The following WWOX variants were observed in gnomAD, a reference collection of about 807,000 sequenced individuals.
The protein encoded by WWOX is WW domain-containing oxidoreductase.
In WWOX, 69 loss-of-function variants were observed where a neutral mutation model predicts 46.2. That is an observed-to-expected ratio of 1.49 (90% confidence interval 1.23 to 1.82). WWOX has a LOEUF of 1.82. Among genes scored for constraint, WWOX ranks in the 40% most tolerant of loss-of-function variants. The pLI, the probability that WWOX is intolerant of heterozygous loss-of-function variation, is 0.00. For missense variants in WWOX, 919 were observed against 542.6 expected, an observed-to-expected ratio of 1.69 and a Z score of -6.89; for synonymous variants, 359 against 202.6, an observed-to-expected ratio of 1.77 and a Z score of -6.56.
chr16:78,982,232 C>T (rs1446524590), intron 8 of WWOX, among the ~76,000 whole-genome samples: 17 of 152,214 alleles, frequency 1.1e-4, no homozygotes, highest in Non-Finnish European at 1.5e-5. Context: ...AATTTGCATT[C>T]CTTCCAACTG....
At chr16:78,331,295 G>C (rs1372114034) in intron 5 of WWOX, among the ~76,000 whole-genome samples, 1 of 152,296 alleles carries the variant, frequency 6.6e-6, no homozygotes, top group Admixed American at 6.5e-5. Context: ...TTTTCAAAAT[G>C]ATAGTTAAGG....
intron 8 of WWOX, among the ~76,000 whole-genome samples, chr16:78,452,858 G>T (rs958844221): frequency 7.6e-6 from 1 of 131,930 alleles, no homozygotes; most frequent in African/African-American, 3.4e-5. Flanking sequence ...TTGTTTTCCA[G>T]TGAGCTATTT....
At chr16:79,155,395 T>G (rs1372131915) in intron 8 of WWOX, among the ~76,000 whole-genome samples, 3 of 150,112 alleles carry the variant, frequency 2.0e-5, no homozygotes, top group Non-Finnish European at 4.5e-5. Context: ...ACAAAAAAGG[T>G]GGGGGGGTGG....
At chr16:78,293,298 G>A (rs1567481951) in intron 5 of WWOX, among the ~76,000 whole-genome samples, 2 of 152,132 alleles carry the variant, frequency 1.3e-5, no homozygotes, top group African/African-American at 4.8e-5. Flanking sequence ...GGAGCTGGAT[G>A]GTGCTTAATA....
intron 8 of WWOX, among the ~76,000 whole-genome samples, chr16:78,741,619 C>A (rs144466021): frequency 0.011 from 1,724 of 152,132 alleles, 107 homozygotes; most frequent in Admixed American, 0.1. Context: ...CTTTGGGAGG[C>A]TGAGGTGGGT....
chr16:78,706,321 T>A (rs1438604458), intron 8 of WWOX, among the ~76,000 whole-genome samples: 1 of 152,102 alleles, frequency 6.6e-6, no homozygotes, highest in African/African-American at 2.4e-5. Flanking sequence ...CTTATTTCTT[T>A]CCAGAGCCAG....
At chr16:78,420,744 A>G (rs926963753) in intron 6 of WWOX, among the ~76,000 whole-genome samples, 1 of 151,832 alleles carries the variant, frequency 6.6e-6, no homozygotes, top group Non-Finnish European at 1.5e-5. Flanking sequence ...ACAGCTGTAC[A>G]GTATACATAG....
intron 5 of WWOX, among the ~76,000 whole-genome samples, chr16:78,182,067 G>T (rs768095785): frequency 6.6e-6 from 1 of 152,178 alleles, no homozygotes; most frequent in African/African-American, 2.4e-5. Flanking sequence ...CCTAAGCAAC[G>T]CATCTGGAAT....
chr16:79,089,333 CTTTTT>C (rs11309218), intron 8 of WWOX, among the ~76,000 whole-genome samples: 1 of 132,544 alleles, frequency 7.5e-6, no homozygotes. Context: ...AGGTGGGGAC[CTTTTT>C]TTTTTTTTTT....
chr16:79,106,091 A>C (rs1402235551), intron 8 of WWOX: 1 of 152,208 alleles, frequency 6.6e-6, no homozygotes, highest in South Asian at 2.1e-4. Flanking sequence ...CAGCAGCATC[A>C]GAATCACCTG....
At chr16:78,951,937 T>G (rs1374591133) in intron 8 of WWOX, among the ~76,000 whole-genome samples, 2 of 152,166 alleles carry the variant, frequency 1.3e-5, no homozygotes, top group Non-Finnish European at 2.9e-5. Flanking sequence ...TCCATAATAT[T>G]TTTAAACTGT....
rs142593540 is a variant in WWOX, at chr16:78,215,288, G to C, written c.516+50999G>C. On this transcript the variant is annotated intron_variant, in intron 5 of 8. Transcript: ENST00000566780. Reference sequence around the variant, plus strand: ...TCATGATGATTGGTATGGTTTGGCTGTGTCCCCACCCAAATCTCATTTTGA... The same window carrying C: ...TCATGATGATTGGTATGGTTTGGCTCTGTCCCCACCCAAATCTCATTTTGA... 4.5e-3 allele frequency among the ~76,000 whole-genome samples: 690 copies of C among 152,254 alleles called. 4 individuals are homozygous for C. Among genetic ancestry groups the C allele is most frequent in the African/African-American group, 0.016 (661 of 41,542 alleles).
rs150730492 is a variant in WWOX at position 79,100,510 on chromosome 16, C to T, written c.1057-111098C>T. On this transcript the variant is annotated intron_variant, in intron 8 of 8. Transcript: ENST00000566780. ...GTTGGCTTTGACCAATGAAGTAGAA[C>T]AAGACCTCTGAATACCCCGTTAGTT... 8.9e-4 allele frequency among the ~76,000 whole-genome samples: 136 copies of T among 152,194 alleles called. 3 individuals are homozygous for T. The highest frequency in any genetic ancestry group is 3.4e-3 in the Middle Eastern group (1 of 294).
intron 8 of WWOX, among the ~76,000 whole-genome samples, chr16:78,605,734 A>T (rs2045740893): frequency 6.6e-6 from 1 of 152,196 alleles, no homozygotes; most frequent in African/African-American, 2.4e-5. Flanking sequence ...GAAAATAGCC[A>T]GTTATCTTTG....
chr16:78,657,371 C>CA (rs1372294368), intron 8 of WWOX, among the ~76,000 whole-genome samples: 1 of 152,136 alleles, frequency 6.6e-6, no homozygotes, highest in Admixed American at 6.5e-5. Flanking sequence ...AGTTCTCCCC[C>CA]ATCCTGTAAA....
chr16:78,958,248 A>G (rs549236751), intron 8 of WWOX, among the ~76,000 whole-genome samples: 2 of 152,318 alleles, frequency 1.3e-5, no homozygotes, highest in South Asian at 2.1e-4. Flanking sequence ...TTCTTTATTG[A>G]AATGGTCCTT....
At chr16:79,073,415 G>C (rs1046967238) in intron 8 of WWOX, among the ~76,000 whole-genome samples, 1 of 151,986 alleles carries the variant, frequency 6.6e-6, no homozygotes, top group African/African-American at 2.4e-5. Flanking sequence ...CCTGACCTCA[G>C]GTGATCCACC....
chr16:78,274,036 A>G (rs1376971220), intron 5 of WWOX, among the ~76,000 whole-genome samples: 1 of 152,204 alleles, frequency 6.6e-6, no homozygotes, highest in Middle Eastern at 3.2e-3. Flanking sequence ...TCTCTTCAAA[A>G]TTGCTTAGGT....
Position 78,564,832 on chromosome 16 carries a change from T to A in WWOX, c.1056+132080T>A, listed in dbSNP as rs192148975. On this transcript the variant is annotated intron_variant, in intron 8 of 8. Transcript: ENST00000566780. Reference sequence around the variant, plus strand: ...AGATCTATTTACGGATCATCAGTTTTATTTTTTCTTTTCTTTCCTCTTTTT... The same window carrying A: ...AGATCTATTTACGGATCATCAGTTTAATTTTTTCTTTTCTTTCCTCTTTTT... 4.9e-3 allele frequency among the ~76,000 whole-genome samples: 754 copies of A among 152,338 alleles called. 5 individuals carry two copies. The highest frequency in any genetic ancestry group is 0.017 in the African/African-American group (724 of 41,576).
Sources: gnomAD v4.1 joint callset for allele counts (sites outside exome capture counted in the v4.1 genomes callset) on GRCh38, gnomAD v4.1.1 for gene constraint, MANE v1.5 for transcripts, NCBI Gene and HGNC (gene_info 2026-07-23, HGNC 2026-07-21) for gene names.